Variants in TMEFF2 observed in about 807,000 individuals in gnomAD.
TMEFF2 encodes transmembrane protein with EGF like and two follistatin like domains 2, also known as tomoregulin-2.
A neutral mutation model predicts 53.8 loss-of-function variants in TMEFF2; 28 were observed. That is an observed-to-expected ratio of 0.52 (90% CI 0.39 to 0.71). TMEFF2 has a LOEUF of 0.71. Among genes scored for constraint, TMEFF2 ranks in the 30% least tolerant of loss-of-function variants. The pLI is 0.00. For synonymous variants in TMEFF2, 162 were observed against 166.3 expected (o/e 0.97, Z 0.20); for missense variants, 353 against 455.2 (o/e 0.78, Z 2.04).
intron 4 of TMEFF2, among the ~76,000 whole-genome samples, chr2:192,156,885 G>C (rs1690518511): frequency 6.6e-6 from 1 of 151,986 alleles, no homozygotes; most frequent in African/African-American, 2.4e-5. Flanking sequence ...TTTTAGAGAT[G>C]AAGAATTAAG....
chr2:192,059,267 TA>T (rs201413983), intron 4 of TMEFF2, among the ~76,000 whole-genome samples: 4,575 of 141,174 alleles, frequency 0.032, 183 homozygotes, highest in African/African-American at 0.094. Flanking sequence ...TTGGATGTCT[TA>T]AAAAAAAAAA....
chr2:192,131,649 T>C (rs1689832975), intron 4 of TMEFF2, among the ~76,000 whole-genome samples: 1 of 152,066 alleles, frequency 6.6e-6, no homozygotes, highest in Non-Finnish European at 1.5e-5. Flanking sequence ...CCATCCCTTC[T>C]CCGTGTCTCT....
intron 9 of TMEFF2, among the ~76,000 whole-genome samples, chr2:191,951,041 A>G (rs1292667277): frequency 1.3e-5 from 2 of 152,138 alleles, no homozygotes; most frequent in East Asian, 3.8e-4. Flanking sequence ...TATGCAAATG[A>G]GAATAGTGGA....
At chr2:192,075,278 A>G (rs899492687) in intron 4 of TMEFF2, among the ~76,000 whole-genome samples, 1 of 62,640 alleles carries the variant, frequency 1.6e-5, no homozygotes, top group South Asian at 7.5e-4. Flanking sequence ...CCCAGAGTAC[A>G]GTACTATTAT....
In TMEFF2 at chr2:192,004,929, T is replaced by C. The variant is rs960431785; in HGVS notation, c.537-5721A>G. ...ACTGCACGAATGCCTTTAAGGTTTT[T>C]TGTGTTTTCTTTTCTTTTCTTCTTC... On this transcript the variant is annotated intron_variant, in intron 5 of 9. Transcript: ENST00000272771. Among the ~76,000 whole-genome samples the C allele has an allele frequency of 3.3e-5, 5 of 152,354 alleles. No individual in the cohort carries two copies. In the East Asian group the frequency reaches 7.7e-4, roughly 23 times the overall value.
rs1277966426 is a variant in TMEFF2, at chr2:192,051,421, ATCCAAGTCTGACCT to A, written c.536+6244_536+6257del. Among the ~76,000 whole-genome samples, 6 of 152,306 alleles carry A rather than the reference ATCCAAGTCTGACCT, an allele frequency of 3.9e-5. No individual in the cohort carries two copies. The East Asian group carries it at 9.6e-4, about 24-fold the overall frequency. On this transcript the variant is annotated intron_variant, in intron 5 of 9. Transcript: ENST00000272771. ...TCAGCATCCTCTTTAAATGTACCATATCCAAGTCTGACCTTTTTACTTAGTAGAAAAACAATACA... is the reference window on the plus strand; with the variant it reads ...TCAGCATCCTCTTTAAATGTACCATATTTTACTTAGTAGAAAAACAATACA...
intron 4 of TMEFF2, among the ~76,000 whole-genome samples, chr2:192,169,698 A>G (rs1483476810): frequency 6.6e-6 from 1 of 152,124 alleles, no homozygotes; most frequent in African/African-American, 2.4e-5. Flanking sequence ...GGGCTGAAAT[A>G]TACTATTGGT....
intron 2 of TMEFF2, among the ~76,000 whole-genome samples, chr2:192,191,457 G>A (rs1047411235): frequency 6.6e-6 from 1 of 151,990 alleles, no homozygotes; most frequent in Admixed American, 6.6e-5. Context: ...CAGGTTGCAA[G>A]GATAATAAAG....
rs185170125 is a variant in TMEFF2 at position 192,055,401 on chromosome 2, A to C, written c.536+2278T>G. On this transcript the variant is annotated intron_variant, in intron 5 of 9. Transcript: ENST00000272771. Reference sequence around the variant, plus strand: ...AACTGGTATGTTTAAAAAAATTCTCAAAGTACTTCTGGCAATCTCTCAGTT... The same window carrying C: ...AACTGGTATGTTTAAAAAAATTCTCCAAGTACTTCTGGCAATCTCTCAGTT... Among the ~76,000 whole-genome samples the C allele has an allele frequency of 1.9e-3, 293 of 152,328 alleles. 1 individual carries two copies. Among genetic ancestry groups the C allele is most frequent in the African/African-American group, 6.3e-3 (262 of 41,568 alleles).
At chr2:192,016,786 T>C (rs58825991) in intron 5 of TMEFF2, among the ~76,000 whole-genome samples, 2,117 of 152,300 alleles carry the variant, frequency 0.014, 46 homozygotes, top group African/African-American at 0.047. Flanking sequence ...GGCAGAAAGC[T>C]GTAGAAGAAA....
At chr2:191,983,391 CT>C (rs11396477) in intron 7 of TMEFF2, among the ~76,000 whole-genome samples, 3 of 144,370 alleles carry the variant, frequency 2.1e-5, no homozygotes, top group Admixed American at 6.9e-5. Context: ...GCATCTTAGC[CT>C]TTTTTTTTTT....
At chr2:192,179,548 CT>C in intron 4 of TMEFF2, 119 bp downstream of exon 4, 1 of 1,143,018 alleles carries the variant, frequency 8.7e-7, no homozygotes, top group Non-Finnish European at 1.2e-6. Context: ...ATGGTTTCAC[CT>C]TTCCTAAAAT....
At chr2:192,042,290 G>C (rs1467375086) in intron 5 of TMEFF2, among the ~76,000 whole-genome samples, 2 of 152,158 alleles carry the variant, frequency 1.3e-5, no homozygotes, top group African/African-American at 4.8e-5. Context: ...ATATGACATA[G>C]AGACATGAAT....
chr2:191,978,551 T>G (rs1439791397), intron 7 of TMEFF2, among the ~76,000 whole-genome samples: 3 of 152,170 alleles, frequency 2.0e-5, no homozygotes, highest in Non-Finnish European at 4.4e-5. Flanking sequence ...TTCTTCCCCA[T>G]TGATACCTTA....
chr2:192,161,891 G>A (rs1690642884), intron 4 of TMEFF2, among the ~76,000 whole-genome samples: 1 of 152,300 alleles, frequency 6.6e-6, no homozygotes, highest in Non-Finnish European at 1.5e-5. Context: ...CACATTAAAT[G>A]CTGGGGGTGT....
chr2:191,977,519 A>G (rs548638570), intron 7 of TMEFF2, among the ~76,000 whole-genome samples: 2 of 152,382 alleles, frequency 1.3e-5, no homozygotes, highest in East Asian at 3.9e-4. Flanking sequence ...TTACAGGGTC[A>G]GTAAAGATAC....
chr2:191,998,459 T>C (rs2105835058), intron 6 of TMEFF2, 138 bp from the exon 7 acceptor site: 2 of 499,292 alleles, frequency 4.0e-6, no homozygotes, highest in East Asian at 3.5e-5. Flanking sequence ...ACCTGCATCA[T>C]ACTAAGACAG....
chr2:192,106,387 AT>A (rs1435877417), intron 4 of TMEFF2, among the ~76,000 whole-genome samples: 1 of 151,730 alleles, frequency 6.6e-6, no homozygotes, highest in African/African-American at 2.4e-5. Flanking sequence ...AATTAATTTC[AT>A]TTTTATGGAT....
intron 5 of TMEFF2, among the ~76,000 whole-genome samples, chr2:192,020,888 A>C (rs1482221985): frequency 6.6e-6 from 1 of 152,168 alleles, no homozygotes; most frequent in Non-Finnish European, 1.5e-5. Context: ...TGCTTTCAAC[A>C]GCATATTGAA....
Sources: gnomAD v4.1 joint callset for allele counts (sites outside exome capture counted in the v4.1 genomes callset) on GRCh38, gnomAD v4.1.1 for gene constraint, MANE v1.5 for transcripts, NCBI Gene and HGNC (gene_info 2026-07-23, HGNC 2026-07-21) for gene names.